Variants in FANCA observed in about 807,000 individuals in gnomAD.
FANCA encodes Fanconi anemia group A protein.
Under a neutral mutation model 194.3 loss-of-function variants are expected in FANCA, and 236 were observed. The observed-to-expected ratio is 1.21, with a 90% CI of 1.09 to 1.35. The LOEUF (loss-of-function observed/expected upper bound fraction) is 1.35, where lower values mean the gene tolerates loss of function less well. FANCA is among the 40% of genes most tolerant of loss of function. The pLI is 0.00. For synonymous variants in FANCA, 1,014 were observed against 715.8 expected, an observed-to-expected ratio of 1.42 and a Z score of -6.65; for missense variants, 2,628 against 1,813.9, an observed-to-expected ratio of 1.45 and a Z score of -8.15.
At chr16:89,762,087 T>G in intron 28 of FANCA, 65 bp from the exon 29 acceptor site, 1 of 1,308,004 alleles carries the variant, frequency 7.6e-7, no homozygotes, top group Non-Finnish European at 1.1e-6. Context: ...GACAGGTTTA[T>G]AAACCAGTTT....
At chr16:89,783,197 G>A (rs1420143685) in intron 15 of FANCA, 95 bp from the exon 16 acceptor site, 8 of 887,660 alleles carry the variant, frequency 9.0e-6, no homozygotes, top group African/African-American at 1.7e-5. Context: ...ACAGTGCTGA[G>A]TAGAGAAACA....
intron 5 of FANCA, 173 bp downstream of exon 5, chr16:89,810,534 G>C: frequency 4.8e-6 from 3 of 630,296 alleles, no homozygotes; most frequent in East Asian, 5.6e-5. Flanking sequence ...GGCAATTGAA[G>C]GTACTTCTTT....
chr16:89,746,828 C>A lies in FANCA; in HGVS notation c.3408+3G>T. The A allele has an allele frequency of 6.4e-7, 1 of 1,566,548 alleles. No homozygotes were observed. The highest frequency in any genetic ancestry group is 1.2e-5 in the South Asian group (1 of 85,882). On this transcript the variant is annotated splice_donor_region_variant and intron_variant, in intron 34 of 42. Coordinates refer to ENST00000389301, the MANE Select transcript of FANCA (RefSeq NM_000135.4). ...CACGAGAGGGGCTGAGGGAGCATCT[C>A]ACCCTGAAGAAGTGGGCAGTGATGT...
chr16:89,813,087 G>A (rs746057121), intron 3 of FANCA, among the ~76,000 whole-genome samples: 1 of 150,796 alleles, frequency 6.6e-6, no homozygotes, highest in East Asian at 1.9e-4. Flanking sequence ...ATTATAGTAC[G>A]AGAAATCATC....
chr16:89,799,608 T>C lies in FANCA; in HGVS notation c.823A>G (p.Ile275Val). ...GGCTGCAGTGCAATTAACTTACAAA[T>C]CAGCATTCTCTGCAGTACATCAACC... ...VTVDVLQRML[I>V]FALDALAAGV... The change falls in exon 9 of 43, where the codon ATT (isoleucine) becomes GTT (valine). Residue 275 changes from isoleucine (I) to valine (V), a missense_variant. Coordinates refer to ENST00000389301, the MANE Select transcript of FANCA (RefSeq NM_000135.4). 6.2e-7 allele frequency: 1 copy of C among 1,613,498 alleles called. No homozygotes were observed. The highest frequency in any genetic ancestry group is 8.5e-7 in the Non-Finnish European group (1 of 1,179,428).
intron 30 of FANCA, among the ~76,000 whole-genome samples, chr16:89,752,786 G>C (rs1161047061): frequency 6.6e-6 from 1 of 152,218 alleles, no homozygotes; most frequent in African/African-American, 2.4e-5. Flanking sequence ...GGTGATGCCA[G>C]CGTCTGGGAA....
rs754187263 is a variant in FANCA at position 89,770,300 on chromosome 16, G to A, written c.2223-41C>T. 3.4e-6 allele frequency: 5 copies of A among 1,488,598 alleles called. No homozygotes were observed. In the East Asian group the frequency reaches 1.2e-4, roughly 36 times the overall value. 92.2% of individuals were successfully genotyped at this position (1,488,598 alleles called of 1,614,324 possible). ...TGAAACCATCAGTACTAGCCATTCA[G>A]TCCTGCACATCCCTCCAACAGCTAA... is the stretch of plus-strand genomic sequence containing the variant. On this transcript the variant is annotated intron_variant, in intron 24 of 42. Transcript: ENST00000389301.
chr16:89,768,322 A>G (rs907790918), intron 26 of FANCA, among the ~76,000 whole-genome samples: 9 of 152,216 alleles, frequency 5.9e-5, no homozygotes, highest in African/African-American at 1.9e-4. Context: ...GGCAATGGAG[A>G]TGTCAAAGCA....
At chr16:89,816,508 C>G in intron 1 of FANCA, 29 bp downstream of exon 1, 1 of 1,473,718 alleles carries the variant, frequency 6.8e-7, no homozygotes, top group Non-Finnish European at 8.9e-7. Context: ...GGACGCCGCC[C>G]ACTCCCGCGG....
intron 11 of FANCA, among the ~76,000 whole-genome samples, chr16:89,795,007 G>C (rs1015287249): frequency 6.6e-6 from 1 of 152,124 alleles, no homozygotes; most frequent in Non-Finnish European, 1.5e-5. Context: ...GACAGCGGCT[G>C]GGCACAGCGG....
intron 36 of FANCA, among the ~76,000 whole-genome samples, 156 bp from the exon 37 acceptor site, chr16:89,743,094 C>A (rs2062174887): frequency 6.6e-6 from 1 of 152,186 alleles, no homozygotes; most frequent in African/African-American, 2.4e-5. Flanking sequence ...GGTCTGCATC[C>A]CCCAGGTCCA....
At chr16:89,796,260 G>A (rs958304869) in intron 10 of FANCA, among the ~76,000 whole-genome samples, 3 of 152,128 alleles carry the variant, frequency 2.0e-5, no homozygotes, top group Admixed American at 6.6e-5. Context: ...GAAGGAAACA[G>A]GTGGGGAAGG....
chr16:89,759,153 T>C (rs2038859526), intron 29 of FANCA, among the ~76,000 whole-genome samples: 1 of 150,820 alleles, frequency 6.6e-6, no homozygotes, highest in Non-Finnish European at 1.5e-5. Context: ...ACCTCGTCTC[T>C]ACTCAAAATA....
chr16:89,739,794 A>C (rs1277154129), intron 39 of FANCA, 200 bp downstream of exon 39: 6 of 1,467,190 alleles, frequency 4.1e-6, no homozygotes, highest in Non-Finnish European at 5.4e-6. Context: ...TGATAGGCCC[A>C]TTGGTCCTGG....
chr16:89,760,301 C>T (rs1057409671), intron 29 of FANCA, among the ~76,000 whole-genome samples: 1 of 152,248 alleles, frequency 6.6e-6, no homozygotes, highest in Non-Finnish European at 1.5e-5. Context: ...ACGTGTTTTG[C>T]CGCAGGCAGC....
chr16:89,806,266 TAC>T (rs1387328121), intron 6 of FANCA, among the ~76,000 whole-genome samples: 3 of 151,746 alleles, frequency 2.0e-5, no homozygotes, highest in Non-Finnish European at 2.9e-5. Flanking sequence ...GACTTACGAA[TAC>T]ACACTCTGCT....
intron 13 of FANCA, 48 bp downstream of exon 13, chr16:89,791,879 C>T (rs74033876): frequency 1.9e-6 from 3 of 1,612,374 alleles, no homozygotes; most frequent in African/African-American, 2.7e-5. Context: ...CTGACACCCC[C>T]CTACACACAC....
At chr16:89,795,765 T>G in intron 11 of FANCA, 141 bp downstream of exon 11, 2 of 703,682 alleles carry the variant, frequency 2.8e-6, no homozygotes, top group Non-Finnish European at 5.2e-6. Flanking sequence ...CTCAGGCATC[T>G]GAGGACCCAG....
rs1030639740 is a variant in FANCA at position 89,791,918 on chromosome 16, A to G, written c.1225+9T>C. ...TGACCAGCACCACCGGGCTCGCGTAAAAGCTCACCTTCAAGCAGCTGCTGC... is the reference window on the plus strand; with the variant it reads ...TGACCAGCACCACCGGGCTCGCGTAGAAGCTCACCTTCAAGCAGCTGCTGC... On this transcript the variant is annotated intron_variant, in intron 13 of 42. Coordinates refer to ENST00000389301, the MANE Select transcript of FANCA (RefSeq NM_000135.4). 2 of 1,614,000 alleles carry G rather than the reference A, an allele frequency of 1.2e-6. No homozygotes were observed. Among genetic ancestry groups the G allele is most frequent in the African/African-American group, 1.3e-5 (1 of 74,898 alleles).
Sources: allele counts gnomAD v4.1 joint callset (sites outside exome capture counted in the v4.1 genomes callset), GRCh38; gene constraint gnomAD v4.1.1; transcripts MANE v1.5; gene names NCBI Gene and HGNC (gene_info 2026-07-23, HGNC 2026-07-21).